Variants in IL1R1 observed in about 807,000 individuals in gnomAD.
IL1R1 encodes interleukin 1 receptor type 1, also known as interleukin-1 receptor type 1.
Under a neutral mutation model 50.2 loss-of-function variants are expected in IL1R1, and 22 were observed. The ratio of observed to expected loss-of-function variants is 0.44; its 90% CI spans 0.31 to 0.63. The LOEUF (loss-of-function observed/expected upper bound fraction) is 0.63, where lower values mean the gene tolerates loss of function less well. Ranked by LOEUF, IL1R1 falls within the 20% of genes least tolerant of loss-of-function variation. The pLI, the probability that IL1R1 is intolerant of heterozygous loss-of-function variation, is 0.07. For missense variants in IL1R1, 509 were observed against 676.2 expected, an observed-to-expected ratio of 0.75 and a Z score of 2.74; for synonymous variants, 251 against 236.7, an observed-to-expected ratio of 1.06 and a Z score of -0.55.
At chr2:102,134,785 A>G (rs1440948023) in intron 1 of IL1R1, among the ~76,000 whole-genome samples, 2 of 152,236 alleles carry the variant, frequency 1.3e-5, no homozygotes, top group African/African-American at 4.8e-5. Context: ...AGACTGCAGA[A>G]GGAAGAAACT....
At chr2:102,172,255 A>G (rs1403198655) in intron 8 of IL1R1, 1 of 984,720 alleles carries the variant, frequency 1.0e-6, no homozygotes, top group Non-Finnish European at 1.2e-6. Flanking sequence ...CTCAAGAATC[A>G]GGCAATCCAC....
chr2:102,148,338 G>A (rs1247469364), intron 1 of IL1R1, among the ~76,000 whole-genome samples: 2 of 152,172 alleles, frequency 1.3e-5, no homozygotes, highest in Non-Finnish European at 2.9e-5. Context: ...TGCCCCACAG[G>A]TATGAGTGTG....
At position 102,164,999 on chromosome 2, in the gene IL1R1, G is replaced by C. The variant is rs1219674457; in HGVS notation, c.287G>C (p.Cys96Ser). Residue 96 changes from cysteine (C) to serine (S), a missense_variant, in exon 4 of 12, where the codon TGC becomes TCC. Transcript: ENST00000410023. ...GTGGAGGATTCAGGACATTACTATTGCGTGGTAAGGTAAGAGAGGAATTAG... is the reference window on the plus strand; with the variant it reads ...GTGGAGGATTCAGGACATTACTATTCCGTGGTAAGGTAAGAGAGGAATTAG... Reference protein sequence around the residue: ...AKVEDSGHYYCVVRNSSYCLR... With the variant: ...AKVEDSGHYYSVVRNSSYCLR... 1 of 1,612,614 alleles carries C rather than the reference G, an allele frequency of 6.2e-7. No individual in the cohort carries two copies. Among genetic ancestry groups the C allele is most frequent in the Admixed American group, 1.7e-5 (1 of 59,912 alleles).
At chr2:102,076,726 C>T (rs1678981735) in intron 1 of IL1R1, among the ~76,000 whole-genome samples, 1 of 151,728 alleles carries the variant, frequency 6.6e-6, no homozygotes, top group South Asian at 2.1e-4. Flanking sequence ...TTAAGATTTT[C>T]TCTTTAGCAG....
At chr2:102,072,246 C>G (rs951775116) in intron 1 of IL1R1, among the ~76,000 whole-genome samples, 1 of 141,250 alleles carries the variant, frequency 7.1e-6, no homozygotes, top group Admixed American at 7.3e-5. Context: ...GGTGACAGAG[C>G]AAGACTCTGT....
intron 2 of IL1R1, among the ~76,000 whole-genome samples, chr2:102,155,975 T>G (rs1373119772): frequency 6.6e-6 from 1 of 152,246 alleles, no homozygotes; most frequent in African/African-American, 2.4e-5. Flanking sequence ...CCCTGCCTAA[T>G]GATCAGACAA....
At chr2:102,074,290 T>C (rs141706323) in intron 1 of IL1R1, among the ~76,000 whole-genome samples, 2,321 of 152,280 alleles carry the variant, frequency 0.015, 46 homozygotes, top group African/African-American at 0.053. Flanking sequence ...TGCAGTCCTG[T>C]GGATGCTTCT....
rs1440413951 is a variant in IL1R1 at position 102,178,543 on chromosome 2, C to T, written c.*1784C>T. 6.6e-6 allele frequency: 1 copy of T among 152,258 alleles called. No homozygotes were observed. Among genetic ancestry groups the T allele is most frequent in the East Asian group, 1.9e-4 (1 of 5,336 alleles). 9.4% of individuals were successfully genotyped at this position (152,258 alleles called of 1,614,324 possible). Reference sequence around the variant, plus strand: ...TGAGCCTCCATTTCTGGCTTCTAGTCTGGTGTTCTGAGTACTTGATTTCAG... The same window carrying T: ...TGAGCCTCCATTTCTGGCTTCTAGTTTGGTGTTCTGAGTACTTGATTTCAG... On this transcript the variant is annotated 3_prime_UTR_variant, in exon 12 of 12. Transcript: ENST00000410023.
intron 3 of IL1R1, among the ~76,000 whole-genome samples, chr2:102,161,160 A>G (rs1684693508): frequency 6.6e-6 from 1 of 152,228 alleles, no homozygotes. Context: ...ATTCAGATAC[A>G]AATACTTTAT....
chr2:102,095,522 C>A (rs982286001), intron 1 of IL1R1, among the ~76,000 whole-genome samples: 1 of 152,214 alleles, frequency 6.6e-6, no homozygotes, highest in South Asian at 2.1e-4. Flanking sequence ...AGGTTGAAAA[C>A]AACATGCACC....
chr2:102,116,988 A>G (rs948662010), intron 1 of IL1R1, among the ~76,000 whole-genome samples: 1 of 152,240 alleles, frequency 6.6e-6, no homozygotes, highest in African/African-American at 2.4e-5. Flanking sequence ...GAAGGAAAAA[A>G]TGACTTTTAT....
At chr2:102,095,614 T>G (rs1315178393) in intron 1 of IL1R1, among the ~76,000 whole-genome samples, 1 of 152,242 alleles carries the variant, frequency 6.6e-6, no homozygotes, top group Non-Finnish European at 1.5e-5. Context: ...TCTACCTCCC[T>G]GCTTCCCCCC....
chr2:102,145,259 C>T (rs1683015979), intron 1 of IL1R1, among the ~76,000 whole-genome samples: 1 of 152,180 alleles, frequency 6.6e-6, no homozygotes, highest in Admixed American at 6.5e-5. Flanking sequence ...GCATTTTCTT[C>T]TTCTTGAGGT....
intron 2 of IL1R1, among the ~76,000 whole-genome samples, chr2:102,154,633 C>T (rs563063138): frequency 6.6e-6 from 1 of 152,320 alleles, no homozygotes; most frequent in South Asian, 2.1e-4. Context: ...AGCCCTCATC[C>T]TCTCTCCCAT....
At chr2:102,152,376 G>C (rs905162164) in intron 1 of IL1R1, among the ~76,000 whole-genome samples, 1 of 151,384 alleles carries the variant, frequency 6.6e-6, no homozygotes, top group Non-Finnish European at 1.5e-5. Flanking sequence ...GTGGTGGCAG[G>C]CACCTGTAGT....
At chr2:102,130,173 C>T (rs142455038) in intron 1 of IL1R1, among the ~76,000 whole-genome samples, 31 of 152,246 alleles carry the variant, frequency 2.0e-4, no homozygotes, top group Non-Finnish European at 2.9e-4. Flanking sequence ...GTCCACTGTA[C>T]GTGTGTATGA....
chr2:102,071,467 T>G (rs1678715871), intron 1 of IL1R1, among the ~76,000 whole-genome samples: 1 of 152,246 alleles, frequency 6.6e-6, no homozygotes, highest in Admixed American at 6.5e-5. Flanking sequence ...GGCATTTTAT[T>G]GTAAGATTGT....
At chr2:102,152,738 G>T (rs371700984) in intron 1 of IL1R1, among the ~76,000 whole-genome samples, 1 of 151,996 alleles carries the variant, frequency 6.6e-6, no homozygotes, top group South Asian at 2.1e-4. Context: ...GACTGGGAGC[G>T]GGAGGATGTG....
At chr2:102,072,482 C>G (rs1678775367) in intron 1 of IL1R1, among the ~76,000 whole-genome samples, 1 of 152,088 alleles carries the variant, frequency 6.6e-6, no homozygotes, top group African/African-American at 2.4e-5. Flanking sequence ...TATTAGAAAT[C>G]GTTTAGTCTC....
Sources: allele counts gnomAD v4.1 joint callset (sites outside exome capture counted in the v4.1 genomes callset), GRCh38; gene constraint gnomAD v4.1.1; transcripts MANE v1.5; gene names NCBI Gene and HGNC (gene_info 2026-07-23, HGNC 2026-07-21).